The following CCDC18 variants were observed in gnomAD, a reference collection of about 807,000 sequenced individuals.
CCDC18 encodes the protein coiled-coil domain containing 18, also known as coiled-coil domain-containing protein 18.
A neutral mutation model predicts 196.0 loss-of-function variants in CCDC18; 157 were observed. That is an observed-to-expected ratio of 0.80 (90% CI 0.70 to 0.91). The LOEUF (loss-of-function observed/expected upper bound fraction) is 0.91, where lower values mean the gene tolerates loss of function less well. Ranked by LOEUF, CCDC18 falls within the 40% of genes least tolerant of loss-of-function variation. CCDC18 has a pLI of 0.00. For synonymous variants in CCDC18, 482 were observed against 529.2 expected (o/e 0.91, Z 1.22); for missense variants, 1,465 against 1,611.6 (o/e 0.91, Z 1.56).
In CCDC18 at chr1:93,264,813, A is replaced by C. The variant is rs754019429; in HGVS notation, c.3797A>C (p.Glu1266Ala). 1.7e-4 allele frequency: 268 copies of C among 1,613,448 alleles called. No individual in the cohort carries two copies. The highest frequency in any genetic ancestry group is 4.9e-4 in the Middle Eastern group (3 of 6,080). ...GAGAAGGCAAAATTGGAATTAGAAGAAGCTCAGGATACTGTAAGCAATTTG... is the reference window on the plus strand; with the variant it reads ...GAGAAGGCAAAATTGGAATTAGAAGCAGCTCAGGATACTGTAAGCAATTTG... Reference protein sequence around the residue: ...QLEKAKLELEEAQDTVSNLHQ... With the variant: ...QLEKAKLELEAAQDTVSNLHQ... Residue 1266 changes from glutamate (E) to alanine (A), a missense_variant, in exon 27 of 29, where the codon GAA (glutamate) becomes GCA (alanine). Physicochemically the swap from Glu to Ala is moderately radical, Grantham distance 107. Coordinates refer to ENST00000690025, the MANE Select transcript of CCDC18 (RefSeq NM_001378204.1).
chr1:93,271,105 AAAAG>A lies in CCDC18; in HGVS notation c.4353+295_4353+298del, dbSNP rs543026335. ...AAATAAAAAAATTAAAAAACTGAAA[AAAAG>A]AAAAATGGTAAGAAATATGCAGTGA... On this transcript the variant is annotated intron_variant, in intron 28 of 28. Transcript: ENST00000690025. 9.3e-5 allele frequency: 92 copies of A among 984,110 alleles called. 2 individuals carry two copies. In the African/African-American group the frequency reaches 1.4e-3, roughly 15 times the overall value. 61.0% of individuals were successfully genotyped at this position (984,110 alleles called of 1,614,324 possible). A position where few individuals can be genotyped will look rare whatever the true frequency, so the allele number is the denominator to read the frequency against.
At chr1:93,212,387 C>T in intron 11 of CCDC18, 126 bp downstream of exon 11, 1 of 521,804 alleles carries the variant, frequency 1.9e-6, no homozygotes, top group Non-Finnish European at 3.2e-6. Flanking sequence ...AGATTTGTTA[C>T]ATAGGTAAGC....
intron 16 of CCDC18, 129 bp downstream of exon 16, chr1:93,222,065 G>T: frequency 1.7e-6 from 1 of 591,512 alleles, no homozygotes. Flanking sequence ...GAACTCCTGA[G>T]CTCAAGTAAT....
Position 93,254,408 on chromosome 1 carries a change from A to G in CCDC18, c.3199-63A>G, listed in dbSNP as rs552354285. The G allele has an allele frequency of 6.4e-6, 8 of 1,242,722 alleles. No homozygotes were observed. In the East Asian group the frequency reaches 7.2e-5, roughly 11 times the overall value. The allele number at this position is 1,242,722 out of a possible 1,614,324, so 77.0% of individuals were successfully genotyped here. ...GTTTAAAGCTTGACTTACTTGGAAC[A>G]CAGCATTGATTAAATTACATTTCAT... On this transcript the variant is annotated intron_variant, in intron 23 of 28. Coordinates refer to ENST00000690025, the MANE Select transcript of CCDC18 (RefSeq NM_001378204.1).
At chr1:93,193,778 A>G (rs1652247266) in intron 6 of CCDC18, 34 bp downstream of exon 6, 4 of 1,484,932 alleles carry the variant, frequency 2.7e-6, no homozygotes, top group Non-Finnish European at 3.6e-6. Context: ...ATGTTTTTGA[A>G]AGGGAATAAA....
chr1:93,271,318 T>C (rs1294446291), intron 28 of CCDC18: 2 of 985,208 alleles, frequency 2.0e-6, no homozygotes, highest in African/African-American at 3.5e-5. Context: ...CTCATCCTTA[T>C]AATTTTTCAC....
rs759674581 is a variant in CCDC18 at position 93,207,289 on chromosome 1, TA to T, written c.1103del (p.Lys368ArgfsTer11). 1.2e-6 allele frequency: 2 copies of T among 1,613,604 alleles called. No individual in the cohort carries two copies. The highest frequency in any genetic ancestry group is 1.7e-6 in the Non-Finnish European group (2 of 1,179,702). On this transcript the variant is annotated frameshift_variant, in exon 9 of 29. Coordinates refer to ENST00000690025, the MANE Select transcript of CCDC18 (RefSeq NM_001378204.1). LOFTEE classifies it high-confidence loss of function. ...TCTTTAATGAATGAAAACCGAGAAT[TA>T]AAGGTCCGTGTTGCAGCACAGAATG... ...KFSLMNENRE[L>X]KVRVAAQNER...
chr1:93,256,345 A>G lies in CCDC18; in HGVS notation c.3353A>G (p.Glu1118Gly). The stretch of plus-strand genomic sequence containing the variant: ...CCTTATGCTTTTCAGGTTATGAAAG[A>G]GCAAGAACAGTACATTGCCACTCAG... ...RMKEMESVMKEQEQYIATQYK... is the reference protein window; with the variant it reads ...RMKEMESVMKGQEQYIATQYK... The change falls in exon 25 of 29, where the codon GAG becomes GGG. Residue 1118 changes from glutamate to glycine, a missense_variant. Physicochemically the swap from Glu to Gly is moderately conservative, Grantham distance 98. Transcript: ENST00000690025. 1 of 1,613,992 alleles carries G rather than the reference A, an allele frequency of 6.2e-7. No individual in the cohort carries two copies. The highest frequency in any genetic ancestry group is 8.5e-7 in the Non-Finnish European group (1 of 1,179,878).
rs1417828961 is a variant in CCDC18, at chr1:93,239,325, G to A, written c.2619G>A (p.Glu873=). 6.3e-7 allele frequency: 1 copy of A among 1,593,164 alleles called. No individual in the cohort carries two copies. Among genetic ancestry groups the A allele is most frequent in the East Asian group, 2.2e-5 (1 of 44,628 alleles). The part of the protein sequence containing the change: ...LTGTARQVKI[E]MDQYKEELSK... ...TTTTAATTAGGCAAGTAAAGATTGAGATGGATCAGTACAAAGAAGAGCTGT... is the reference window on the plus strand; with the variant it reads ...TTTTAATTAGGCAAGTAAAGATTGAAATGGATCAGTACAAAGAAGAGCTGT... The change falls in exon 20 of 29, where the codon GAG becomes GAA. Residue 873 remains glutamate (E), a synonymous_variant. Coordinates refer to ENST00000690025, the MANE Select transcript of CCDC18 (RefSeq NM_001378204.1).
intron 27 of CCDC18, among the ~76,000 whole-genome samples, chr1:93,267,028 C>T (rs921101849): frequency 7.9e-5 from 12 of 152,190 alleles, no homozygotes; most frequent in African/African-American, 2.6e-4. Context: ...TGATGAACAT[C>T]GATGCAAAAA....
At chr1:93,238,794 T>G (rs996785913) in intron 19 of CCDC18, among the ~76,000 whole-genome samples, 2 of 152,164 alleles carry the variant, frequency 1.3e-5, no homozygotes, top group South Asian at 4.1e-4. Flanking sequence ...ACAACTCACC[T>G]AGTCTTCAGT....
At chr1:93,257,226 C>A (rs1439715220) in intron 25 of CCDC18, among the ~76,000 whole-genome samples, 2 of 74,050 alleles carry the variant, frequency 2.7e-5, no homozygotes, top group African/African-American at 5.6e-5. Context: ...AGCAAGACTC[C>A]ATCTCAAAAA....
In CCDC18 at chr1:93,205,490, C is replaced by A; in HGVS notation, c.796-20C>A. 1 of 1,562,988 alleles carries A rather than the reference C, an allele frequency of 6.4e-7. No individual in the cohort carries two copies. Among genetic ancestry groups the A allele is most frequent in the Non-Finnish European group, 8.6e-7 (1 of 1,157,124 alleles). ...AAACTTACAACCACATTAGTATGTC[C>A]ACTTAAATTATTGTTTTAGGTTCAA... On this transcript the variant is annotated intron_variant, in intron 7 of 28. Coordinates refer to ENST00000690025, the MANE Select transcript of CCDC18 (RefSeq NM_001378204.1).
intron 9 of CCDC18, among the ~76,000 whole-genome samples, chr1:93,207,599 A>G (rs908946733): frequency 6.6e-6 from 1 of 152,142 alleles, no homozygotes; most frequent in African/African-American, 2.4e-5. Context: ...CAGATGCCAT[A>G]TATAAGAATG....
At chr1:93,273,202 G>C (rs1242303954) in intron 28 of CCDC18, among the ~76,000 whole-genome samples, 1 of 151,994 alleles carries the variant, frequency 6.6e-6, no homozygotes, top group Non-Finnish European at 1.5e-5. Context: ...CCGAGTAGCT[G>C]GGACTACAGG....
At chr1:93,277,956 A>C (rs920275177) in intron 28 of CCDC18, among the ~76,000 whole-genome samples, 10 of 151,762 alleles carry the variant, frequency 6.6e-5, no homozygotes, top group Admixed American at 5.3e-4. Flanking sequence ...ATCAAGCCAG[A>C]ATTATTTGCT....
chr1:93,238,515 T>TA (rs1487636663), intron 19 of CCDC18, among the ~76,000 whole-genome samples: 1 of 149,834 alleles, frequency 6.7e-6, no homozygotes, highest in Non-Finnish European at 1.5e-5. Flanking sequence ...GAAATGCTCC[T>TA]ACTTGCAAAC....
chr1:93,258,736 G>A lies in CCDC18; in HGVS notation c.3547-12G>A, dbSNP rs1438386779. ...AAGTTTTATAGCTTTTACTCAATAT[G>A]TCATTTTTAAGGATGCTCATGGAAA... On this transcript the variant is annotated splice_polypyrimidine_tract_variant and intron_variant, in intron 25 of 28. Coordinates refer to ENST00000690025, the MANE Select transcript of CCDC18 (RefSeq NM_001378204.1). 3 of 1,530,294 alleles carry A rather than the reference G, an allele frequency of 2.0e-6. No homozygotes were observed. The highest frequency in any genetic ancestry group is 2.4e-5 in the East Asian group (1 of 41,380). 94.8% of individuals were successfully genotyped at this position (1,530,294 alleles called of 1,614,324 possible). A position where few individuals can be genotyped will look rare whatever the true frequency, so the allele number is the denominator to read the frequency against.
intron 28 of CCDC18, among the ~76,000 whole-genome samples, chr1:93,278,119 TGGGATTAC>T: frequency 6.6e-6 from 1 of 152,226 alleles, no homozygotes; most frequent in East Asian, 1.9e-4. Context: ...CCTGACTAGC[TGGGATTAC>T]AGACGCTCGC....
Sources: gnomAD v4.1 joint callset for allele counts (sites outside exome capture counted in the v4.1 genomes callset) on GRCh38, gnomAD v4.1.1 for gene constraint, MANE v1.5 for transcripts, NCBI Gene and HGNC (gene_info 2026-07-23, HGNC 2026-07-21) for gene names.